MYO5C: variants seen among roughly 807,000 people sequenced by gnomAD.
The protein encoded by MYO5C is myosin VC.
In MYO5C, 194 loss-of-function variants were observed where a neutral mutation model predicts 235.7. The ratio of observed to expected loss-of-function variants is 0.82; its 90% CI spans 0.73 to 0.93. The LOEUF is 0.93. Ranked by LOEUF, MYO5C falls within the 40% of genes least tolerant of loss-of-function variation. MYO5C has a pLI of 0.00. For synonymous variants in MYO5C, 707 were observed against 754.8 expected (o/e 0.94, Z 1.04); for missense variants, 2,038 against 2,127.2 (o/e 0.96, Z 0.82).
chr15:52,199,802 T>C (rs898569622), intron 38 of MYO5C, among the ~76,000 whole-genome samples: 29 of 152,154 alleles, frequency 1.9e-4, no homozygotes, highest in African/African-American at 7.0e-4. Context: ...GGAGGATCTG[T>C]GGTTCAAGGT....
rs557812654 is a variant in MYO5C, at chr15:52,271,990, T to C, written c.751-146A>G. On this transcript the variant is annotated intron_variant, in intron 6 of 40. Coordinates refer to ENST00000261839, the MANE Select transcript of MYO5C (RefSeq NM_018728.4). ...ATCTGGCCAGTTCACAAGCAGGCCC[T>C]TCCTCTCAGCTGAGAACTGGGTGGC... 7.4e-4 allele frequency: 336 copies of C among 455,440 alleles called. 1 individual carries two copies. The highest frequency in any genetic ancestry group is 6.3e-3 in the African/African-American group (315 of 50,054). The allele number at this position is 455,440 out of a possible 1,614,324, so 28.2% of individuals were successfully genotyped here.
intron 38 of MYO5C, among the ~76,000 whole-genome samples, chr15:52,198,995 G>A (rs1566957875): frequency 6.6e-6 from 1 of 152,016 alleles, no homozygotes; most frequent in South Asian, 2.1e-4. Flanking sequence ...CCTGGTTGAC[G>A]CCATTCTCCT....
At chr15:52,268,408 A>C (rs1375661127) in intron 8 of MYO5C, among the ~76,000 whole-genome samples, 1 of 152,156 alleles carries the variant, frequency 6.6e-6, no homozygotes, top group African/African-American at 2.4e-5. Context: ...ACTAAAATAC[A>C]AAAAATTAGC....
intron 1 of MYO5C, among the ~76,000 whole-genome samples, chr15:52,285,776 T>C (rs1355363931): frequency 3.3e-5 from 5 of 152,200 alleles, no homozygotes. Context: ...CAGTGCTCAA[T>C]GGTGCCCAGG....
chr15:52,213,090 A>G (rs2035481602), intron 34 of MYO5C, 98 bp downstream of exon 34: 2 of 835,740 alleles, frequency 2.4e-6, no homozygotes, highest in African/African-American at 3.4e-5. Context: ...GTGGAAGAAA[A>G]AGTAGAAAAA....
rs2036945204 is a variant in MYO5C, at chr15:52,272,490, A to G, written c.750+90T>C. On this transcript the variant is annotated intron_variant, in intron 6 of 40. Transcript: ENST00000261839. ...AAGAAAACCCTACTCTTCAACTCAC[A>G]GCATAGTGTAGCTTGCCTGAGTATG... The G allele has an allele frequency of 3.0e-5, 38 of 1,269,338 alleles. 1 individual carries two copies. In the South Asian group the frequency reaches 5.0e-4, roughly 17 times the overall value. 78.6% of individuals were successfully genotyped at this position (1,269,338 alleles called of 1,614,324 possible). A position where few individuals can be genotyped will look rare whatever the true frequency, so the allele number is the denominator to read the frequency against.
In MYO5C at chr15:52,282,897, C is replaced by T; in HGVS notation, c.28-5G>A. The T allele has an allele frequency of 1.3e-6, 2 of 1,582,008 alleles. No individual in the cohort carries two copies. The highest frequency in any genetic ancestry group is 1.7e-6 in the Non-Finnish European group (2 of 1,150,790). On this transcript the variant is annotated splice_region_variant and splice_polypyrimidine_tract_variant and intron_variant, in intron 1 of 40. Transcript: ENST00000261839. ...GGGAATCCAGACCCTGTTGTACTGA[C>T]CAACAGGATGAGAAAAGCTGAATTT...
chr15:52,193,707 GGT>G lies in MYO5C; in HGVS notation c.*193_*194del. 1.7e-6 allele frequency: 1 copy of G among 579,750 alleles called. No individual in the cohort carries two copies. Among genetic ancestry groups the G allele is most frequent in the Non-Finnish European group, 3.0e-6 (1 of 335,900 alleles). 35.9% of individuals were successfully genotyped at this position (579,750 alleles called of 1,614,324 possible). ...AGACATGGCTTTTCCAAATACAGCT[GGT>G]GTGTGTGAATTCTTACAAAATTACA... On this transcript the variant is annotated 3_prime_UTR_variant, in exon 41 of 41. Coordinates refer to ENST00000261839, the MANE Select transcript of MYO5C (RefSeq NM_018728.4).
chr15:52,248,666 T>TA, intron 14 of MYO5C, 34 bp downstream of exon 14: 1 of 1,330,662 alleles, frequency 7.5e-7, no homozygotes, highest in Non-Finnish European at 1.1e-6. Context: ...GTCAATTATA[T>TA]AATAACTTTA....
At chr15:52,225,682 C>CT in intron 25 of MYO5C, 150 bp from the exon 26 acceptor site, 1 of 624,026 alleles carries the variant, frequency 1.6e-6, no homozygotes, top group Non-Finnish European at 2.9e-6. Context: ...TAAACCATCA[C>CT]TGCCTACACA....
chr15:52,287,911 G>A (rs986263520), intron 1 of MYO5C, among the ~76,000 whole-genome samples: 1 of 152,132 alleles, frequency 6.6e-6, no homozygotes, highest in African/African-American at 2.4e-5. Flanking sequence ...GAGAGGCGGA[G>A]GTTTCTGTGA....
At chr15:52,194,965 T>C (rs2035014261) in intron 40 of MYO5C, among the ~76,000 whole-genome samples, 1 of 152,150 alleles carries the variant, frequency 6.6e-6, no homozygotes, top group African/African-American at 2.4e-5. Context: ...CCAGGGATCC[T>C]TGAGCCAAAC....
chr15:52,269,455 G>T (rs972515424), intron 8 of MYO5C, among the ~76,000 whole-genome samples: 1 of 129,356 alleles, frequency 7.7e-6, no homozygotes, highest in Non-Finnish European at 1.6e-5. Flanking sequence ...GCAGTGGTGT[G>T]ATCTCGGCTC....
In MYO5C at chr15:52,192,794, A is replaced by C. The variant is rs750006651; in HGVS notation, c.*1108T>G. 1 of 152,202 alleles carries C rather than the reference A, an allele frequency of 6.6e-6. No homozygotes were observed. The highest frequency in any genetic ancestry group is 1.5e-5 in the Non-Finnish European group (1 of 68,042). 9.4% of individuals were successfully genotyped at this position (152,202 alleles called of 1,614,324 possible). A position where few individuals can be genotyped will look rare whatever the true frequency, so the allele number is the denominator to read the frequency against. On this transcript the variant is annotated 3_prime_UTR_variant, in exon 41 of 41. Coordinates refer to ENST00000261839, the MANE Select transcript of MYO5C (RefSeq NM_018728.4). ...CATTGAAATGCTGATTAGAGAGCGAAAGTAATTTAGGTTGCTTTTTCAATC... is the reference window on the plus strand; with the variant it reads ...CATTGAAATGCTGATTAGAGAGCGACAGTAATTTAGGTTGCTTTTTCAATC...
At chr15:52,286,278 C>T (rs2037268463) in intron 1 of MYO5C, among the ~76,000 whole-genome samples, 3 of 148,030 alleles carry the variant, frequency 2.0e-5, no homozygotes, top group Non-Finnish European at 4.5e-5. Flanking sequence ...TGGGGGTCAG[C>T]CCCCCGCCCG....
At chr15:52,237,425 A>G in intron 22 of MYO5C, 57 bp downstream of exon 22, 16 of 1,566,132 alleles carry the variant, frequency 1.0e-5, no homozygotes, top group Non-Finnish European at 1.4e-5. Flanking sequence ...GGCAGCGCTC[A>G]TCTTTTTCAC....
At chr15:52,286,337 C>A (rs1229719885) in intron 1 of MYO5C, among the ~76,000 whole-genome samples, 1 of 150,066 alleles carries the variant, frequency 6.7e-6, no homozygotes, top group African/African-American at 2.5e-5. Context: ...GCCCCCCGCC[C>A]GGCCAGCCGC....
chr15:52,237,340 T>A (rs2036108284), intron 22 of MYO5C, 142 bp downstream of exon 22: 2 of 974,126 alleles, frequency 2.1e-6, no homozygotes, highest in South Asian at 3.5e-5. Context: ...TCCTAAAAGG[T>A]AGGCTCCCTT....
Position 52,193,778 on chromosome 15 carries a change from T to C in MYO5C, c.*124A>G. On this transcript the variant is annotated 3_prime_UTR_variant, in exon 41 of 41. Transcript: ENST00000261839. ...TGAGTGAGAGATGATGTGGTCCATTTGAGAAAAGTCTGTTTTCTTCCTTAA... is the reference window on the plus strand; with the variant it reads ...TGAGTGAGAGATGATGTGGTCCATTCGAGAAAAGTCTGTTTTCTTCCTTAA... 1 of 1,027,966 alleles carries C rather than the reference T, an allele frequency of 9.7e-7. No homozygotes were observed. The highest frequency in any genetic ancestry group is 1.6e-5 in the African/African-American group (1 of 61,190). The allele number at this position is 1,027,966 out of a possible 1,614,324, so 63.7% of individuals were successfully genotyped here. A position where few individuals can be genotyped will look rare whatever the true frequency, so the allele number is the denominator to read the frequency against.
Sources: gnomAD v4.1 joint callset for allele counts (sites outside exome capture counted in the v4.1 genomes callset) on GRCh38, gnomAD v4.1.1 for gene constraint, MANE v1.5 for transcripts, NCBI Gene and HGNC (gene_info 2026-07-23, HGNC 2026-07-21) for gene names.